The following CSMD1 variants were observed in gnomAD, a reference collection of about 807,000 sequenced individuals.
The protein encoded by CSMD1 is CUB and sushi domain-containing protein 1.
Under a neutral mutation model 417.5 loss-of-function variants are expected in CSMD1, and 213 were observed. The ratio of observed to expected loss-of-function variants is 0.51; its 90% CI spans 0.46 to 0.57. The LOEUF is 0.57. CSMD1 is among the 20% of genes least tolerant of loss of function. CSMD1 has a pLI of 0.00. For missense variants in CSMD1, 6,923 were observed against 4,529.7 expected (o/e 1.53, Z -15.17); for synonymous variants, 2,862 against 1,736.8 (o/e 1.65, Z -16.11).
At chr8:3,115,867 T>A (rs1257471985) in intron 42 of CSMD1, among the ~76,000 whole-genome samples, 1 of 152,218 alleles carries the variant, frequency 6.6e-6, no homozygotes, top group Non-Finnish European at 1.5e-5. Flanking sequence ...TTTTCTGAAG[T>A]TCTTTTCAAG....
At chr8:3,074,013 C>T (rs561919481) in intron 49 of CSMD1, among the ~76,000 whole-genome samples, 47 of 152,236 alleles carry the variant, frequency 3.1e-4, no homozygotes, top group Non-Finnish European at 2.8e-4. Flanking sequence ...CAGGTACGGG[C>T]GTGGCCTCAC....
At chr8:4,541,805 A>C (rs1246335640) in intron 2 of CSMD1, among the ~76,000 whole-genome samples, 5 of 152,140 alleles carry the variant, frequency 3.3e-5, no homozygotes, top group Admixed American at 3.3e-4. Context: ...AAAAATAATA[A>C]TAATAAGTGG....
chr8:4,756,490 A>G (rs1811676294), intron 1 of CSMD1, among the ~76,000 whole-genome samples: 2 of 152,210 alleles, frequency 1.3e-5, no homozygotes, highest in Admixed American at 1.3e-4. Context: ...ATATAAATGT[A>G]AATAATATTT....
chr8:3,855,875 A>G (rs1804268916), intron 5 of CSMD1, among the ~76,000 whole-genome samples: 1 of 152,106 alleles, frequency 6.6e-6, no homozygotes, highest in South Asian at 2.1e-4. Flanking sequence ...CTTTGGAAAC[A>G]TTGTCTTATT....
chr8:3,170,489 T>C (rs1306224497), intron 37 of CSMD1, among the ~76,000 whole-genome samples: 9 of 152,240 alleles, frequency 5.9e-5, no homozygotes, highest in Non-Finnish European at 1.5e-5. Context: ...ATTACAGGCG[T>C]GAGCCACCGT....
chr8:4,834,575 C>T (rs776507462), intron 1 of CSMD1, among the ~76,000 whole-genome samples: 49 of 151,614 alleles, frequency 3.2e-4, no homozygotes, highest in Non-Finnish European at 5.9e-4. Context: ...CGAAGTAATA[C>T]GAGTTCAAAA....
intron 49 of CSMD1, among the ~76,000 whole-genome samples, chr8:3,065,219 G>A (rs531902721): frequency 6.6e-6 from 1 of 152,168 alleles, no homozygotes; most frequent in African/African-American, 2.4e-5. Flanking sequence ...ATAGATAAAT[G>A]ACAGATGATA....
At chr8:4,172,774 T>C (rs1797837962) in intron 3 of CSMD1, among the ~76,000 whole-genome samples, 1 of 152,096 alleles carries the variant, frequency 6.6e-6, no homozygotes, top group African/African-American at 2.4e-5. Context: ...TTGGATCCCT[T>C]ACCCACAGAG....
chr8:4,106,910 G>C (rs909744403), intron 3 of CSMD1, among the ~76,000 whole-genome samples: 6 of 152,110 alleles, frequency 3.9e-5, no homozygotes, highest in African/African-American at 1.4e-4. Flanking sequence ...CAAATCAATA[G>C]GCTTATTTAT....
chr8:4,165,868 A>G (rs981603358), intron 3 of CSMD1, among the ~76,000 whole-genome samples: 13 of 152,188 alleles, frequency 8.5e-5, no homozygotes, highest in African/African-American at 2.7e-4. Flanking sequence ...GTAAAAGCAA[A>G]TTACTTTTGC....
Position 3,754,021 on chromosome 8 carries a change from G to A in CSMD1, c.840C>T (p.Pro280=), listed in dbSNP as rs1484154850. The A allele has an allele frequency of 6.2e-7, 1 of 1,612,622 alleles. No homozygotes were observed. The change falls in exon 6 of 70, where the codon CCC becomes CCT. Residue 280 remains proline, a synonymous_variant. Transcript: ENST00000635120. The part of the protein sequence containing the change: ...PSIWLTGMNL[P]SPVISSKNWL... ...AATTCTTGCTACTGATAACTGGAGA[G>A]GGGAGGTTCATGCCAGTTAGCCTAG...
chr8:4,560,909 T>A (rs951313229), intron 2 of CSMD1, among the ~76,000 whole-genome samples: 2 of 152,196 alleles, frequency 1.3e-5, no homozygotes, highest in African/African-American at 2.4e-5. Context: ...TCAAACAGGT[T>A]CACTTATCAA....
At chr8:4,126,165 C>G (rs947449990) in intron 3 of CSMD1, among the ~76,000 whole-genome samples, 1 of 152,142 alleles carries the variant, frequency 6.6e-6, no homozygotes, top group Admixed American at 6.5e-5. Context: ...ACTTCCCAAG[C>G]CCCCACCCAC....
intron 3 of CSMD1, among the ~76,000 whole-genome samples, chr8:4,084,103 A>C (rs559368160): frequency 8.4e-4 from 128 of 152,344 alleles, no homozygotes; most frequent in African/African-American, 3.1e-3. Context: ...TGTCTTCGGA[A>C]AGGTAAAACC....
At chr8:4,739,596 G>C (rs1324687257) in intron 1 of CSMD1, among the ~76,000 whole-genome samples, 1 of 152,036 alleles carries the variant, frequency 6.6e-6, no homozygotes, top group Non-Finnish European at 1.5e-5. Context: ...GTCTCCTTTG[G>C]GTCCGAGAAA....
intron 5 of CSMD1, among the ~76,000 whole-genome samples, chr8:3,790,327 A>G (rs1799665366): frequency 6.6e-6 from 1 of 152,212 alleles, no homozygotes. Flanking sequence ...CTTCAAATGT[A>G]TAATGATGGT....
chr8:4,116,513 ATG>A (rs1802157483), intron 3 of CSMD1, among the ~76,000 whole-genome samples: 1 of 71,692 alleles, frequency 1.4e-5, no homozygotes, highest in Non-Finnish European at 2.8e-5. Flanking sequence ...TCCGACGGCG[ATG>A]TATGAGTGCA....
At chr8:4,261,080 C>T (rs1248431242) in intron 3 of CSMD1, among the ~76,000 whole-genome samples, 1 of 152,070 alleles carries the variant, frequency 6.6e-6, no homozygotes, top group African/African-American at 2.4e-5. Context: ...TTGTTTTGTG[C>T]TATATATAAT....
In CSMD1 at chr8:4,184,424, C is replaced by T. The variant is rs186141042; in HGVS notation, c.416-152325G>A. 1.5e-3 allele frequency among the ~76,000 whole-genome samples: 226 copies of T among 152,172 alleles called. 1 individual carries two copies. The highest frequency in any genetic ancestry group is 4.2e-3 in the African/African-American group (175 of 41,524). The stretch of plus-strand genomic sequence containing the variant: ...CTGGAGCATATGAGGATGTTCCTTG[C>T]GGCACTATTCACAATATCAAAGGCA... On this transcript the variant is annotated intron_variant, in intron 3 of 69. Coordinates refer to ENST00000635120, the MANE Select transcript of CSMD1 (RefSeq NM_033225.6).
Sources: gnomAD v4.1 joint callset for allele counts (sites outside exome capture counted in the v4.1 genomes callset) on GRCh38, gnomAD v4.1.1 for gene constraint, MANE v1.5 for transcripts, NCBI Gene and HGNC (gene_info 2026-07-23, HGNC 2026-07-21) for gene names.